The following CENPU variants were observed in gnomAD, a reference collection of about 807,000 sequenced individuals.
CENPU encodes the protein KSHV latent nuclear antigen interacting protein 1.
CENPU carries 46 observed loss-of-function variants against 56.7 expected under a neutral mutation model. The ratio of observed to expected loss-of-function variants is 0.81; its 90% confidence interval spans 0.64 to 1.04. CENPU has a LOEUF of 1.04. Ranked by LOEUF, CENPU falls within the 50% of genes least tolerant of loss-of-function variation. The pLI, the probability that CENPU is intolerant of heterozygous loss-of-function variation, is 0.00. For missense variants in CENPU, 510 were observed against 490.1 expected, an observed-to-expected ratio of 1.04 and a Z score of -0.38; for synonymous variants, 166 against 163.0, an observed-to-expected ratio of 1.02 and a Z score of -0.14.
intron 6 of CENPU, among the ~76,000 whole-genome samples, chr4:184,714,987 T>C (rs1251038803): frequency 6.6e-6 from 1 of 152,138 alleles, no homozygotes; most frequent in East Asian, 1.9e-4. Context: ...CAAGTGCACA[T>C]GGGATGTTCA....
intron 8 of CENPU, among the ~76,000 whole-genome samples, chr4:184,707,618 G>A (rs574615465): frequency 6.6e-6 from 1 of 152,184 alleles, no homozygotes; most frequent in African/African-American, 2.4e-5. Context: ...GAGATGAGTC[G>A]CTGAGGCTGC....
intron 9 of CENPU, 34 bp from the exon 10 acceptor site, chr4:184,702,170 T>C: frequency 6.6e-7 from 1 of 1,510,310 alleles, no homozygotes; most frequent in Non-Finnish European, 9.1e-7. Context: ...TGTACATCAG[T>C]TTCCAAAAGT....
chr4:184,716,383 G>A lies in CENPU; in HGVS notation c.618+14C>T, dbSNP rs1391860075. Reference sequence around the variant, plus strand: ...ACTTTTTTTGCCCTCCTAGGGGATGGCAGACGTTCTTACCGATTGACTTTC... The same window carrying A: ...ACTTTTTTTGCCCTCCTAGGGGATGACAGACGTTCTTACCGATTGACTTTC... On this transcript the variant is annotated intron_variant, in intron 6 of 12. Coordinates refer to ENST00000281453, the MANE Select transcript of CENPU (RefSeq NM_024629.4). The A allele has an allele frequency of 6.3e-7, 1 of 1,593,332 alleles. No homozygotes were observed. The highest frequency in any genetic ancestry group is 1.7e-5 in the Admixed American group (1 of 59,174).
At chr4:184,711,444 T>C (rs563427489) in intron 7 of CENPU, among the ~76,000 whole-genome samples, 1 of 152,308 alleles carries the variant, frequency 6.6e-6, no homozygotes, top group African/African-American at 2.4e-5. Flanking sequence ...AATCCTCTTT[T>C]AGCTGTTTTG....
intron 1 of CENPU, among the ~76,000 whole-genome samples, chr4:184,733,114 C>A (rs1761713039): frequency 6.6e-6 from 1 of 152,104 alleles, no homozygotes; most frequent in African/African-American, 2.4e-5. Context: ...CAACAAAAAC[C>A]ACTAGCCTTT....
intron 4 of CENPU, among the ~76,000 whole-genome samples, chr4:184,721,457 TAAAAA>T (rs138476894): frequency 2.7e-5 from 2 of 74,554 alleles, no homozygotes; most frequent in Non-Finnish European, 4.5e-5. Context: ...TGGCTGATTG[TAAAAA>T]AAAAAAAAAA....
chr4:184,699,612 G>A, intron 11 of CENPU: 2 of 1,288,688 alleles, frequency 1.6e-6, no homozygotes, highest in South Asian at 2.5e-5. Context: ...ACTCAATTTA[G>A]AAACCAACAG....
chr4:184,734,029 G>T lies in CENPU; in HGVS notation c.34C>A (p.His12Asn), dbSNP rs917994568. 3 of 1,591,930 alleles carry T rather than the reference G, an allele frequency of 1.9e-6. No individual in the cohort carries two copies. Among genetic ancestry groups the T allele is most frequent in the Non-Finnish European group, 2.6e-6 (3 of 1,171,974 alleles). Residue 12 changes from histidine to asparagine, a missense_variant, in exon 1 of 13, where the codon CAC becomes AAC. Coordinates refer to ENST00000281453, the MANE Select transcript of CENPU (RefSeq NM_024629.4). The part of the protein sequence containing the change: ...APRGRRRPRP[H>N]RSEGARRSKN... ...GGCAGTACTTACCCCTCAGACCTGT[G>T]AGGCCGCGGCCGCCGCCGCCCCCGC...
At chr4:184,710,391 G>A (rs1435713046) in intron 7 of CENPU, 1 of 371,852 alleles carries the variant, frequency 2.7e-6, no homozygotes, top group Non-Finnish European at 4.8e-6. Context: ...CTGTCTCGCT[G>A]GTTCTCCTAT....
rs796642452 is a variant in CENPU, at chr4:184,718,663, G to T, written c.321-1467C>A. ...CCATGGCAGCCACAGGGAGGTGGCA[G>T]GGGTGTGGAGAGGAGAAACGGATTT... On this transcript the variant is annotated intron_variant, in intron 4 of 12. Transcript: ENST00000281453. Among the ~76,000 whole-genome samples the T allele has an allele frequency of 1.1e-4, 17 of 152,350 alleles. 2 individuals are homozygous for T. Among genetic ancestry groups the T allele is most frequent in the African/African-American group, 4.1e-4 (17 of 41,580 alleles).
chr4:184,717,496 T>C lies in CENPU; in HGVS notation c.321-300A>G, dbSNP rs146884165. Among the ~76,000 whole-genome samples, 224 of 152,242 alleles carry C rather than the reference T, an allele frequency of 1.5e-3. 1 individual carries two copies. The highest frequency in any genetic ancestry group is 0.01 in the Middle Eastern group (3 of 294). On this transcript the variant is annotated intron_variant, in intron 4 of 12. Coordinates refer to ENST00000281453, the MANE Select transcript of CENPU (RefSeq NM_024629.4). ...CAGTCCCAGGAATACGGGCCATCAT[T>C]TGTACTAAAAGCTAATCCACTAGGC...
At chr4:184,733,964 G>T in intron 1 of CENPU, 52 bp downstream of exon 1, 2 of 1,607,874 alleles carry the variant, frequency 1.2e-6, no homozygotes, top group Non-Finnish European at 1.7e-6. Context: ...AGGCGAGGAA[G>T]CAGTTCAAGC....
At chr4:184,721,516 A>G (rs1761277695) in intron 4 of CENPU, among the ~76,000 whole-genome samples, 1 of 150,632 alleles carries the variant, frequency 6.6e-6, no homozygotes, top group South Asian at 2.1e-4. Flanking sequence ...AACACATTTC[A>G]CCTATAAAGA....
Position 184,694,387 on chromosome 4 carries a change from A to G in CENPU, c.*901T>C. The G allele has an allele frequency of 2.8e-6, 4 of 1,420,416 alleles. No individual in the cohort carries two copies. The highest frequency in any genetic ancestry group is 3.7e-6 in the Non-Finnish European group (4 of 1,088,036). The allele number at this position is 1,420,416 out of a possible 1,614,324, so 88.0% of individuals were successfully genotyped here. A position where few individuals can be genotyped will look rare whatever the true frequency, so the allele number is the denominator to read the frequency against. On this transcript the variant is annotated 3_prime_UTR_variant, in exon 13 of 13. Transcript: ENST00000281453. Reference sequence around the variant, plus strand: ...ATTCCCACGGTGAGATATCGGAGACAGCATTCCTCCTGCATATTCACTTTA... The same window carrying G: ...ATTCCCACGGTGAGATATCGGAGACGGCATTCCTCCTGCATATTCACTTTA...
chr4:184,715,191 T>G (rs1215462170), intron 6 of CENPU, among the ~76,000 whole-genome samples: 1 of 152,194 alleles, frequency 6.6e-6, no homozygotes, highest in Non-Finnish European at 1.5e-5. Context: ...GGACAACTTA[T>G]TATACTTCAA....
chr4:184,701,584 T>C (rs1760536345), intron 10 of CENPU, among the ~76,000 whole-genome samples: 1 of 152,068 alleles, frequency 6.6e-6, no homozygotes, highest in Non-Finnish European at 1.5e-5. Flanking sequence ...GCAGACCCAG[T>C]GGTATACAGC....
Position 184,729,000 on chromosome 4 carries a change from G to C in CENPU, c.132C>G (p.Phe44Leu), listed in dbSNP as rs6818447. 1.2e-6 allele frequency: 2 copies of C among 1,612,580 alleles called. No individual in the cohort carries two copies. Among genetic ancestry groups the C allele is most frequent in the African/African-American group, 2.7e-5 (2 of 74,746 alleles). The change falls in exon 3 of 13, where the codon TTC becomes TTG. Residue 44 changes from phenylalanine (F) to leucine (L), a missense_variant. Transcript: ENST00000281453. ...AGQKCKPIDVFDFPDNSDVSS... is the reference protein window; with the variant it reads ...AGQKCKPIDVLDFPDNSDVSS... ...AGACATCAGAATTATCAGGAAAGTC[G>C]AACACGTCAATAGGCTTGCACTTTT...
intron 1 of CENPU, chr4:184,733,520 G>A (rs1012359747): frequency 1.7e-5 from 10 of 580,080 alleles, no homozygotes; most frequent in African/African-American, 8.1e-5. Flanking sequence ...AAAACCGCTC[G>A]AGCCATCCTG....
At chr4:184,709,990 T>C in intron 8 of CENPU, 82 bp downstream of exon 8, 1 of 572,094 alleles carries the variant, frequency 1.7e-6, no homozygotes. Context: ...AAATAGTACA[T>C]AACAAAAACT....
Sources: allele counts gnomAD v4.1 joint callset (sites outside exome capture counted in the v4.1 genomes callset), GRCh38; gene constraint gnomAD v4.1.1; transcripts MANE v1.5; gene names NCBI Gene and HGNC (gene_info 2026-07-23, HGNC 2026-07-21).